Variants in LEPROTL1 observed in about 807,000 individuals in gnomAD.
LEPROTL1 encodes the protein leptin receptor overlapping transcript-like 1.
A neutral mutation model predicts 15.4 loss-of-function variants in LEPROTL1; 6 were observed. The ratio of observed to expected loss-of-function variants is 0.39; its 90% CI spans 0.21 to 0.77. The LOEUF (loss-of-function observed/expected upper bound fraction) is 0.77. LEPROTL1 is among the 30% of genes least tolerant of loss of function. The pLI is 0.41. For synonymous variants in LEPROTL1, 56 were observed against 52.6 expected, an observed-to-expected ratio of 1.06 and a Z score of -0.28; for missense variants, 128 against 158.1, an observed-to-expected ratio of 0.81 and a Z score of 1.02.
At chr8:30,136,169 AC>A (rs1803135508) in intron 4 of LEPROTL1, among the ~76,000 whole-genome samples, 2 of 152,272 alleles carry the variant, frequency 1.3e-5, no homozygotes, top group Admixed American at 1.3e-4. Context: ...TTATGGTCTA[AC>A]CCCAGTACCT....
intron 3 of LEPROTL1, among the ~76,000 whole-genome samples, chr8:30,119,884 C>T (rs1802801239): frequency 6.6e-6 from 1 of 152,102 alleles, no homozygotes; most frequent in African/African-American, 2.4e-5. Context: ...GCCTGGCCAA[C>T]ATGGCAAAAT....
At chr8:30,120,467 A>ATG (rs1339236628) in intron 3 of LEPROTL1, among the ~76,000 whole-genome samples, 2 of 102,782 alleles carry the variant, frequency 1.9e-5, no homozygotes, top group Non-Finnish European at 4.1e-5. Flanking sequence ...GTATATGCAT[A>ATG]TATATATATG....
chr8:30,131,591 G>T (rs561198820), intron 3 of LEPROTL1, among the ~76,000 whole-genome samples: 1 of 152,138 alleles, frequency 6.6e-6, no homozygotes, highest in African/African-American at 2.4e-5. Context: ...CCAGGATCAG[G>T]TGGGTCAACT....
At chr8:30,112,288 T>G (rs1244343428), downstream of LEPROTL1, among the ~76,000 whole-genome samples, 1 of 151,692 alleles carries the variant, frequency 6.6e-6, no homozygotes, top group Non-Finnish European at 1.5e-5. Flanking sequence ...CAGGCTGGAG[T>G]TCAGTGGTGT....
chr8:30,108,675 C>T (rs1295116427), downstream of LEPROTL1, among the ~76,000 whole-genome samples: 2 of 149,524 alleles, frequency 1.3e-5, no homozygotes, highest in South Asian at 2.1e-4. Flanking sequence ...TTGCTTTGTG[C>T]CCAGGCTGGA....
chr8:30,106,588 A>C lies in LEPROTL1; in HGVS notation c.*726A>C, dbSNP rs1442804234. ...TAAACTTTAAGGTAAGGGTGTAAAA[A>C]CATTTTTGAGATAAGGTTTTTATTT... is the stretch of plus-strand genomic sequence containing the variant. On this transcript the variant is annotated 3_prime_UTR_variant, in exon 4 of 4. Transcript: ENST00000321250. The C allele has an allele frequency of 1.0e-6, 1 of 984,144 alleles. No homozygotes were observed. Among genetic ancestry groups the C allele is most frequent in the Non-Finnish European group, 1.2e-6 (1 of 828,488 alleles). 61.0% of individuals were successfully genotyped at this position (984,144 alleles called of 1,614,324 possible).
At chr8:30,131,093 C>G (rs369377021) in intron 3 of LEPROTL1, among the ~76,000 whole-genome samples, 1 of 151,490 alleles carries the variant, frequency 6.6e-6, no homozygotes, top group East Asian at 1.9e-4. Context: ...AACGCCCGGC[C>G]CAAAAAATTT....
intron 4 of LEPROTL1, among the ~76,000 whole-genome samples, chr8:30,135,501 A>T (rs190022901): frequency 6.6e-6 from 1 of 152,330 alleles, no homozygotes; most frequent in East Asian, 1.9e-4. Context: ...TGAGGAATGG[A>T]TCACAATGTG....
At chr8:30,138,261 A>G (rs565690744), downstream of LEPROTL1, 1 of 305,644 alleles carries the variant, frequency 3.3e-6, no homozygotes, top group Admixed American at 4.3e-5. Context: ...CTTTACTGCA[A>G]TTCCCCTGTT....
downstream of LEPROTL1, among the ~76,000 whole-genome samples, chr8:30,112,015 G>A (rs1163013173): frequency 2.0e-5 from 3 of 152,176 alleles, no homozygotes; most frequent in African/African-American, 7.2e-5. Context: ...AAGACAGAGT[G>A]GAGTCAGTGA....
chr8:30,114,135 T>C (rs1420814320), intron 3 of LEPROTL1, among the ~76,000 whole-genome samples: 1 of 152,186 alleles, frequency 6.6e-6, no homozygotes, highest in African/African-American at 2.4e-5. Context: ...AGTATAATCT[T>C]AATATGGATA....
At chr8:30,132,956 T>C in intron 4 of LEPROTL1, 1 of 1,459,420 alleles carries the variant, frequency 6.9e-7, no homozygotes, top group Non-Finnish European at 9.1e-7. Flanking sequence ...ATTTATTCTC[T>C]CTCTCTTATT....
chr8:30,112,511 C>T (rs867913704), downstream of LEPROTL1, among the ~76,000 whole-genome samples: 11 of 147,652 alleles, frequency 7.4e-5, no homozygotes, highest in Admixed American at 2.8e-4. Flanking sequence ...CTACCCACCT[C>T]GGCCTCCCAG....
At chr8:30,132,090 C>G in intron 3 of LEPROTL1, 1 of 1,551,782 alleles carries the variant, frequency 6.4e-7, no homozygotes, top group Non-Finnish European at 8.7e-7. Context: ...CAATGATCAA[C>G]TGGGTGTGGG....
chr8:30,126,187 G>A (rs912738952), intron 3 of LEPROTL1, among the ~76,000 whole-genome samples: 15 of 152,154 alleles, frequency 9.9e-5, no homozygotes, highest in Non-Finnish European at 2.1e-4. Context: ...CTAACAGGCT[G>A]TGGATCAGCA....
At chr8:30,116,998 GA>G (rs371134274) in intron 3 of LEPROTL1, among the ~76,000 whole-genome samples, 1 of 151,500 alleles carries the variant, frequency 6.6e-6, no homozygotes, top group Non-Finnish European at 1.5e-5. Flanking sequence ...GTATGGGGGA[GA>G]AAAAAAACCA....
At chr8:30,128,403 T>A (rs183752160) in intron 3 of LEPROTL1, among the ~76,000 whole-genome samples, 83 of 152,288 alleles carry the variant, frequency 5.5e-4, no homozygotes, top group Admixed American at 1.6e-3. Flanking sequence ...AGTTCTTTTT[T>A]AAATTTAACA....
downstream of LEPROTL1, among the ~76,000 whole-genome samples, chr8:30,110,435 G>C (rs1011829264): frequency 4.6e-5 from 7 of 152,012 alleles, no homozygotes; most frequent in East Asian, 1.3e-3. Flanking sequence ...TACTTCAAAA[G>C]CCAGTAGAGG....
intron 3 of LEPROTL1, among the ~76,000 whole-genome samples, chr8:30,118,146 T>A (rs1449229639): frequency 6.6e-6 from 1 of 150,436 alleles, no homozygotes; most frequent in East Asian, 2.0e-4. Flanking sequence ...TGCCTCACAT[T>A]CCTAAGTAGC....
Sources: gnomAD v4.1 joint callset for allele counts (sites outside exome capture counted in the v4.1 genomes callset) on GRCh38, gnomAD v4.1.1 for gene constraint, MANE v1.5 for transcripts, NCBI Gene and HGNC (gene_info 2026-07-23, HGNC 2026-07-21) for gene names.